Variants in COX7B2 observed in about 807,000 individuals in gnomAD.
COX7B2 encodes cytochrome c oxidase subunit 7B2, mitochondrial.
For missense variants in COX7B2, 109 were observed against 95.9 expected (o/e 1.14, Z -0.57); for synonymous variants, 37 against 32.1 (o/e 1.15, Z -0.51).
rs146940330 is a variant in COX7B2 at position 46,844,365 on chromosome 4, A to G, written c.-50+595T>C. On this transcript the variant is annotated intron_variant, in intron 2 of 2. Transcript: ENST00000355591. ...AGACACGGTCATGGATAAGGACAAG[A>G]AAAATATTAAATACAAATGTCTAGA... Among the ~76,000 whole-genome samples the G allele has an allele frequency of 8.1e-3, 1,225 of 152,140 alleles. 18 individuals are homozygous for G. The highest frequency in any genetic ancestry group is 0.028 in the African/African-American group (1,181 of 41,554).
intron 2 of COX7B2, among the ~76,000 whole-genome samples, chr4:46,832,765 C>T (rs555625155): frequency 1.3e-5 from 2 of 152,246 alleles, no homozygotes; most frequent in East Asian, 3.9e-4. Context: ...GGGACCTCCC[C>T]ACTCTCTCTC....
intron 1 of COX7B2, among the ~76,000 whole-genome samples, chr4:46,875,366 T>G (rs1718256206): frequency 6.6e-6 from 1 of 152,200 alleles, no homozygotes; most frequent in Non-Finnish European, 1.5e-5. Flanking sequence ...ACCCTTTGCA[T>G]TTTTTCTTCA....
chr4:46,769,540 C>T (rs1303208099), intron 2 of COX7B2, among the ~76,000 whole-genome samples: 2 of 151,954 alleles, frequency 1.3e-5, no homozygotes, highest in Non-Finnish European at 2.9e-5. Flanking sequence ...TATGGTGAAA[C>T]CCCGTCTCTA....
intron 2 of COX7B2, among the ~76,000 whole-genome samples, chr4:46,802,930 C>A (rs1405056911): frequency 6.6e-6 from 1 of 152,056 alleles, no homozygotes; most frequent in African/African-American, 2.4e-5. Context: ...AATAGGCTTC[C>A]TGAGCTAATA....
Position 46,783,646 on chromosome 4 carries a change from G to A in COX7B2, c.-49-48405C>T, listed in dbSNP as rs373378024. ...TTCTTTCAAGCCAGCTGTTCCTAAG[G>A]AAAACTCACACATGCTAGGCCCATT... On this transcript the variant is annotated intron_variant, in intron 2 of 2. Transcript: ENST00000355591. Among the ~76,000 whole-genome samples the A allele has an allele frequency of 9.9e-5, 15 of 152,188 alleles. No homozygotes were observed. In the East Asian group the frequency reaches 2.9e-3, roughly 29 times the overall value.
chr4:46,796,752 C>T (rs1235995274), intron 2 of COX7B2, among the ~76,000 whole-genome samples: 8 of 30,412 alleles, frequency 2.6e-4, no homozygotes, highest in Admixed American at 1.8e-3. Flanking sequence ...CCATGGAATA[C>T]TATGCAGCCA....
chr4:46,841,359 G>A (rs1715913107), intron 2 of COX7B2, among the ~76,000 whole-genome samples: 2 of 151,448 alleles, frequency 1.3e-5, no homozygotes, highest in Non-Finnish European at 2.9e-5. Context: ...GTGTGTGTGT[G>A]TGTGTGTGTG....
At chr4:46,862,457 G>A (rs1221009199) in intron 1 of COX7B2, among the ~76,000 whole-genome samples, 1 of 152,214 alleles carries the variant, frequency 6.6e-6, no homozygotes, top group African/African-American at 2.4e-5. Context: ...GTATGTACAT[G>A]TGTTATGTGT....
chr4:46,741,948 T>C (rs1714742532), intron 2 of COX7B2, among the ~76,000 whole-genome samples: 1 of 152,126 alleles, frequency 6.6e-6, no homozygotes, highest in African/African-American at 2.4e-5. Context: ...TCCAAGGTAC[T>C]ATCCAGCTCT....
At chr4:46,862,650 A>T (rs1418801294) in intron 1 of COX7B2, among the ~76,000 whole-genome samples, 1 of 152,202 alleles carries the variant, frequency 6.6e-6, no homozygotes, top group Non-Finnish European at 1.5e-5. Context: ...TTGGTTCAAT[A>T]AAAACACCTG....
chr4:46,739,045 T>C (rs1714544175), intron 2 of COX7B2, among the ~76,000 whole-genome samples: 1 of 152,088 alleles, frequency 6.6e-6, no homozygotes, highest in Admixed American at 6.6e-5. Context: ...GTAACGATAA[T>C]AATTTCAAAT....
intron 1 of COX7B2, among the ~76,000 whole-genome samples, chr4:46,867,498 C>T (rs1717738089): frequency 6.6e-6 from 1 of 152,192 alleles, no homozygotes; most frequent in Non-Finnish European, 1.5e-5. Context: ...ATGGCAACAT[C>T]CATAAATAAC....
Position 46,897,599 on chromosome 4 carries a change from C to A in COX7B2, c.-105+11561G>T, listed in dbSNP as rs1036286143. On this transcript the variant is annotated intron_variant, in intron 1 of 2. Coordinates refer to ENST00000355591, the MANE Select transcript of COX7B2 (RefSeq NM_130902.3). The stretch of plus-strand genomic sequence containing the variant: ...TCTCTCAAGTATTCTGTCTCATGCA[C>A]CCCTTGGTAATCCCTACGGCTGTCA... Among the ~76,000 whole-genome samples the A allele has an allele frequency of 1.4e-4, 21 of 152,290 alleles. 1 individual carries two copies. Among genetic ancestry groups the A allele is most frequent in the African/African-American group, 5.1e-4 (21 of 41,574 alleles).
chr4:46,763,251 T>TAC (rs1031981041), intron 2 of COX7B2, among the ~76,000 whole-genome samples: 5 of 141,464 alleles, frequency 3.5e-5, no homozygotes, highest in East Asian at 2.0e-4. Context: ...TACATATATA[T>TAC]ACACACACAC....
intron 2 of COX7B2, among the ~76,000 whole-genome samples, chr4:46,809,774 A>C (rs1031035159): frequency 4.9e-4 from 74 of 151,952 alleles, no homozygotes; most frequent in South Asian, 2.1e-4. Flanking sequence ...CCATTTGGTC[A>C]AAAGTGCAAT....
At chr4:46,830,901 G>A (rs553546187) in intron 2 of COX7B2, among the ~76,000 whole-genome samples, 47 of 152,338 alleles carry the variant, frequency 3.1e-4, no homozygotes, top group African/African-American at 9.4e-4. Context: ...GCCTTTGCTC[G>A]CTCTTGGCGC....
chr4:46,865,471 T>G (rs1717610746), intron 1 of COX7B2, among the ~76,000 whole-genome samples: 1 of 152,202 alleles, frequency 6.6e-6, no homozygotes, highest in Non-Finnish European at 1.5e-5. Context: ...GTCCATTACC[T>G]TTGTAAAAGG....
At chr4:46,766,990 T>G (rs1191157090) in intron 2 of COX7B2, among the ~76,000 whole-genome samples, 1 of 152,064 alleles carries the variant, frequency 6.6e-6, no homozygotes, top group African/African-American at 2.4e-5. Context: ...ATTAACAAAA[T>G]GACAACAAAT....
intron 2 of COX7B2, among the ~76,000 whole-genome samples, chr4:46,778,548 C>A (rs1431492954): frequency 6.6e-6 from 1 of 152,042 alleles, no homozygotes; most frequent in African/African-American, 2.4e-5. Context: ...ATATCAAATT[C>A]AATTATGAGT....
Sources: allele counts gnomAD v4.1 joint callset (sites outside exome capture counted in the v4.1 genomes callset), GRCh38; gene constraint gnomAD v4.1.1; transcripts MANE v1.5; gene names NCBI Gene and HGNC (gene_info 2026-07-23, HGNC 2026-07-21).